GPR107: variants seen among roughly 807,000 people sequenced by gnomAD.
The protein encoded by GPR107 is G protein-coupled receptor 107, also known as protein GPR107.
GPR107 carries 31 observed loss-of-function variants against 75.5 expected under a neutral mutation model. The ratio of observed to expected loss-of-function variants is 0.41; its 90% CI spans 0.31 to 0.55. The LOEUF (loss-of-function observed/expected upper bound fraction) is 0.55. Ranked by LOEUF, GPR107 falls within the 20% of genes least tolerant of loss-of-function variation. The pLI is 0.26. For missense variants in GPR107, 572 were observed against 665.7 expected (o/e 0.86, Z 1.55); for synonymous variants, 267 against 251.3 (o/e 1.06, Z -0.59).
intron 1 of GPR107, among the ~76,000 whole-genome samples, chr9:130,071,192 T>A (rs1015254364): frequency 2.3e-4 from 29 of 128,176 alleles, no homozygotes; most frequent in African/African-American, 7.8e-4. Flanking sequence ...AACTGGCTAA[T>A]TTTTTTTTTT....
rs563321153 is a variant in GPR107 at position 130,125,415 on chromosome 9, T to A, written c.1356+451T>A. On this transcript the variant is annotated intron_variant, in intron 15 of 17. Transcript: ENST00000347136. ...TGCTTTTTTGCTTTTTTTTTTTTTTTAAGACTGGGTCTCTCTATGCTACCT... is the reference window on the plus strand; with the variant it reads ...TGCTTTTTTGCTTTTTTTTTTTTTTAAAGACTGGGTCTCTCTATGCTACCT... Among the ~76,000 whole-genome samples, 20 of 150,724 alleles carry A rather than the reference T, an allele frequency of 1.3e-4. No homozygotes were observed. The East Asian group carries it at 3.7e-3, about 28-fold the overall frequency.
chr9:130,082,732 GC>G (rs1830523096), intron 5 of GPR107, among the ~76,000 whole-genome samples: 1 of 151,992 alleles, frequency 6.6e-6, no homozygotes, highest in Non-Finnish European at 1.5e-5. Context: ...GCCCATCTCA[GC>G]CTCCCAAAGT....
chr9:130,112,226 G>T lies in GPR107; in HGVS notation c.1306+4687G>T, dbSNP rs996915345. ...GCTTCAGAAGTATTTAAACAATCCC[G>T]GTTGGCTGGCTGCAGAGTTGATGGA... On this transcript the variant is annotated intron_variant, in intron 14 of 17. Transcript: ENST00000347136. The surrounding 1 kb of genome is among the most constrained non-coding windows in gnomAD (Gnocchi z 4.0). 1.3e-5 allele frequency among the ~76,000 whole-genome samples: 2 copies of T among 152,218 alleles called. No individual in the cohort carries two copies. The highest frequency in any genetic ancestry group is 2.4e-5 in the African/African-American group (1 of 41,450).
chr9:130,055,362 G>C (rs1248544951), intron 1 of GPR107, among the ~76,000 whole-genome samples: 5 of 151,912 alleles, frequency 3.3e-5, no homozygotes, highest in Non-Finnish European at 7.4e-5. Context: ...CCAGCTACTC[G>C]GGAGGCTAAG....
rs1008832715 is a variant in GPR107 at position 130,079,125 on chromosome 9, G to GT, written c.387-496dup. On this transcript the variant is annotated intron_variant, in intron 4 of 17. Transcript: ENST00000347136. ...AGGTGCATGCCAACACACCCGGCCAGTTTTTTTTTGTAATTTTAGTAGAGA... is the reference window on the plus strand; with the variant it reads ...AGGTGCATGCCAACACACCCGGCCAGTTTTTTTTTTGTAATTTTAGTAGAGA... 1.2e-4 allele frequency among the ~76,000 whole-genome samples: 18 copies of GT among 151,212 alleles called. No individual in the cohort carries two copies. In the South Asian group the frequency reaches 2.1e-3, roughly 18 times the overall value.
chr9:130,053,911 G>A lies in GPR107; in HGVS notation c.-22G>A, dbSNP rs137897242. 1.3e-6 allele frequency: 2 copies of A among 1,554,298 alleles called. No homozygotes were observed. The highest frequency in any genetic ancestry group is 1.7e-6 in the Non-Finnish European group (2 of 1,150,582). ...CCCGGACGTGGGCGGGAGAGGAAGC[G>A]GCTGGTGATGCTGGAACAAACATGG... is the stretch of plus-strand genomic sequence containing the variant. On this transcript the variant is annotated 5_prime_UTR_variant, in exon 1 of 18. Transcript: ENST00000347136.
In GPR107 at chr9:130,101,913, G is replaced by A. The variant is rs532012037; in HGVS notation, c.1131+690G>A. ...AAAGTAAATGTGGAAGGTTGGGGGTGGAAGGGGACAACTCCTGAGGCACCC... is the reference window on the plus strand; with the variant it reads ...AAAGTAAATGTGGAAGGTTGGGGGTAGAAGGGGACAACTCCTGAGGCACCC... On this transcript the variant is annotated intron_variant, in intron 12 of 17. Coordinates refer to ENST00000347136, the MANE Select transcript of GPR107 (RefSeq NM_020960.5). Among the ~76,000 whole-genome samples the A allele has an allele frequency of 1.6e-3, 238 of 152,312 alleles. 1 individual carries two copies. Among genetic ancestry groups the A allele is most frequent in the Non-Finnish European group, 2.7e-3 (184 of 68,028 alleles).
chr9:130,116,847 G>T (rs2132635584), intron 14 of GPR107, among the ~76,000 whole-genome samples: 1 of 152,184 alleles, frequency 6.6e-6, no homozygotes, highest in East Asian at 1.9e-4. Context: ...TATCATTTAA[G>T]ATATAATTTC....
rs1196550236 is a variant in GPR107 at position 130,139,242 on chromosome 9, CA to C, written c.*4126del. Reference sequence around the variant, plus strand: ...TTTGACTTGATGCCTCTTGGTATATCAAAAAGATATTCATCCAGAAAGTACC... The same window carrying C: ...TTTGACTTGATGCCTCTTGGTATATCAAAAGATATTCATCCAGAAAGTACC... On this transcript the variant is annotated 3_prime_UTR_variant, in exon 18 of 18. Transcript: ENST00000347136. The C allele has an allele frequency of 1.3e-5, 2 of 152,174 alleles. No individual in the cohort carries two copies. Among genetic ancestry groups the C allele is most frequent in the Non-Finnish European group, 2.9e-5 (2 of 68,036 alleles). The allele number at this position is 152,174 out of a possible 1,614,324, so 9.4% of individuals were successfully genotyped here.
At chr9:130,107,225 T>C (rs890561699) in intron 13 of GPR107, among the ~76,000 whole-genome samples, 2 of 152,104 alleles carry the variant, frequency 1.3e-5, no homozygotes, top group African/African-American at 4.8e-5. Context: ...AACAGGAGCA[T>C]TAAATGATGG....
chr9:130,079,143 A>G (rs1040452313), intron 4 of GPR107, among the ~76,000 whole-genome samples: 1 of 151,960 alleles, frequency 6.6e-6, no homozygotes, highest in Non-Finnish European at 1.5e-5. Flanking sequence ...TTGTAATTTT[A>G]GTAGAGACAG....
intron 14 of GPR107, among the ~76,000 whole-genome samples, chr9:130,118,537 T>C (rs778354351): frequency 4.6e-5 from 7 of 152,150 alleles, no homozygotes; most frequent in Non-Finnish European, 7.3e-5. Context: ...AAGAAGGACT[T>C]ACCAGAATCG....
intron 14 of GPR107, 50 bp downstream of exon 14, chr9:130,107,589 C>T (rs375483391): frequency 1.1e-5 from 13 of 1,190,556 alleles, no homozygotes; most frequent in East Asian, 2.3e-5. Context: ...TCTGAACCCA[C>T]GTGCTGCGGC....
intron 5 of GPR107, chr9:130,083,308 A>G (rs1363006894): frequency 3.4e-6 from 1 of 295,798 alleles, no homozygotes. Context: ...AACATAAGCT[A>G]GAATATCCAG....
At chr9:130,054,146 C>T (rs1349283269) in intron 1 of GPR107, 73 bp downstream of exon 1, 1 of 1,368,540 alleles carries the variant, frequency 7.3e-7, no homozygotes, top group African/African-American at 1.5e-5. Flanking sequence ...AACTTTGGCC[C>T]ATTGGGGACC....
At chr9:130,097,710 T>G (rs925419439) in intron 9 of GPR107, among the ~76,000 whole-genome samples, 12 of 73,462 alleles carry the variant, frequency 1.6e-4, no homozygotes, top group East Asian at 6.1e-4. Context: ...ATTCTTTGGG[T>G]TTTTTTTTTT....
chr9:130,079,870 C>T, intron 5 of GPR107, 101 bp downstream of exon 5: 1 of 657,808 alleles, frequency 1.5e-6, no homozygotes, highest in Middle Eastern at 2.7e-4. Flanking sequence ...CTGTTGTCGT[C>T]TTAGCATTAT....
intron 1 of GPR107, among the ~76,000 whole-genome samples, chr9:130,055,800 C>A (rs528910592): frequency 3.3e-5 from 5 of 151,388 alleles, no homozygotes; most frequent in African/African-American, 1.2e-4. Context: ...AAATATTAGA[C>A]GGGCATGGTG....
chr9:130,126,429 T>G (rs1306221992), intron 15 of GPR107, among the ~76,000 whole-genome samples: 2 of 139,528 alleles, frequency 1.4e-5, no homozygotes, highest in Non-Finnish European at 3.1e-5. Flanking sequence ...CACTGCAACC[T>G]CCGCCTCTTG....
Sources: gnomAD v4.1 joint callset for allele counts (sites outside exome capture counted in the v4.1 genomes callset) on GRCh38, gnomAD v4.1.1 for gene constraint, Gnocchi (gnomAD v3.1) non-coding constraint, MANE v1.5 for transcripts, NCBI Gene and HGNC (gene_info 2026-07-23, HGNC 2026-07-21) for gene names.